ACSBG1: variants seen among roughly 807,000 people sequenced by gnomAD.
ACSBG1 encodes acyl-CoA synthetase bubblegum family member 1.
In ACSBG1, 39 loss-of-function variants were observed where a neutral mutation model predicts 80.2. The ratio of observed to expected loss-of-function variants is 0.49; its 90% CI spans 0.38 to 0.64. ACSBG1 has a LOEUF of 0.64. Among genes scored for constraint, ACSBG1 ranks in the 30% least tolerant of loss-of-function variants. ACSBG1 has a pLI of 0.00. For missense variants in ACSBG1, 828 were observed against 966.4 expected (o/e 0.86, Z 1.90); for synonymous variants, 392 against 379.5 (o/e 1.03, Z -0.38).
intron 3 of ACSBG1, 49 bp downstream of exon 3, chr15:78,194,457 G>A (rs2075091660): frequency 6.4e-7 from 1 of 1,572,842 alleles, no homozygotes; most frequent in Admixed American, 1.7e-5. Context: ...CCAGAGCTGG[G>A]AGGCACATCT....
chr15:78,211,460 G>A (rs1213858309), intron 1 of ACSBG1, among the ~76,000 whole-genome samples: 1 of 152,260 alleles, frequency 6.6e-6, no homozygotes, highest in African/African-American at 2.4e-5. Context: ...AGGAAGAAGA[G>A]CTTACAAGGT....
chr15:78,208,083 G>C lies in ACSBG1; in HGVS notation c.151C>G (p.Pro51Ala). Reference sequence around the variant, plus strand: ...TGGTTCAGGGACTCTTTGGAGAGTGGCTGCCTGTCAGTCAGTGAGCTGGGG... The same window carrying C: ...TGGTTCAGGGACTCTTTGGAGAGTGCCTGCCTGTCAGTCAGTGAGCTGGGG... ...LKTSSLTDRQ[P>A]LSKESLNHAL... Residue 51 changes from proline to alanine, a missense_variant, in exon 2 of 14, where the codon CCA becomes GCA. Pro to Ala is a conservative substitution (Grantham distance 27, BLOSUM62 -1). This residue lies in a region of ACSBG1 where 356 missense variants were observed against 363.5 expected (regional missense o/e 0.98). Transcript: ENST00000258873. 6.2e-7 allele frequency: 1 copy of C among 1,613,862 alleles called. No individual in the cohort carries two copies.
intron 1 of ACSBG1, among the ~76,000 whole-genome samples, chr15:78,231,056 T>C (rs2075442614): frequency 6.6e-6 from 1 of 152,188 alleles, no homozygotes; most frequent in Non-Finnish European, 1.5e-5. Context: ...CGGGCTCAAT[T>C]GATTTTCCCA....
intron 5 of ACSBG1, among the ~76,000 whole-genome samples, chr15:78,183,594 G>C (rs1051539333): frequency 6.6e-6 from 1 of 152,134 alleles, no homozygotes; most frequent in Non-Finnish European, 1.5e-5. Flanking sequence ...AAACTCGAAG[G>C]TTAAACCAAA....
In ACSBG1 at chr15:78,171,456, C is replaced by T. The variant is rs201874784; in HGVS notation, c.2163G>A (p.Glu721=). 15 of 1,613,808 alleles carry T rather than the reference C, an allele frequency of 9.3e-6. No individual in the cohort carries two copies. The East Asian group carries it at 3.3e-4, about 36-fold the overall frequency. Residue 721 remains glutamate, a synonymous_variant, in exon 14 of 14, where the codon GAG becomes GAA. Coordinates refer to ENST00000258873, the MANE Select transcript of ACSBG1 (RefSeq NM_015162.5). Reference sequence around the variant, plus strand: ...GCATAGGCCCTGATTACATTTTTTGCTCTTGGTAAAAGGAGTCAATGATAC... The same window carrying T: ...GCATAGGCCCTGATTACATTTTTTGTTCTTGGTAAAAGGAGTCAATGATAC... ...YKGIIDSFYQ[E]QKM is the part of the protein sequence containing the mutation.
intron 8 of ACSBG1, 26 bp downstream of exon 8, chr15:78,181,943 C>G (rs529815193): frequency 1.4e-4 from 226 of 1,604,584 alleles, no homozygotes; most frequent in Non-Finnish European, 1.9e-4. Flanking sequence ...CGGGCTCAGA[C>G]GGACACACGG....
rs1023818571 is a variant in ACSBG1, at chr15:78,171,187, G to A, written c.*257C>T. On this transcript the variant is annotated 3_prime_UTR_variant, in exon 14 of 14. Coordinates refer to ENST00000258873, the MANE Select transcript of ACSBG1 (RefSeq NM_015162.5). ...TATCAGCCCTTTCGTTCTGGAAGGA[G>A]AGCTGATCTCATTTGTCACCTGAAC... 6.0e-6 allele frequency: 2 copies of A among 333,582 alleles called. No homozygotes were observed. The highest frequency in any genetic ancestry group is 8.8e-5 in the Admixed American group (2 of 22,664). The allele number at this position is 333,582 out of a possible 1,614,324, so 20.7% of individuals were successfully genotyped here. A position where few individuals can be genotyped will look rare whatever the true frequency, so the allele number is the denominator to read the frequency against.
chr15:78,197,605 A>G lies in ACSBG1; in HGVS notation c.233-2879T>C, dbSNP rs527964588. Among the ~76,000 whole-genome samples the G allele has an allele frequency of 2.1e-3, 311 of 151,572 alleles. 2 individuals carry two copies. The highest frequency in any genetic ancestry group is 6.9e-3 in the African/African-American group (285 of 41,304). On this transcript the variant is annotated intron_variant, in intron 2 of 13. Coordinates refer to ENST00000258873, the MANE Select transcript of ACSBG1 (RefSeq NM_015162.5). ...GTGGTGGTGCACATCTGTAATCCCA[A>G]CTACTTGGGAAGCTGAGGCATGAGA...
At chr15:78,213,902 C>T (rs2075287317) in intron 1 of ACSBG1, 1 of 152,278 alleles carries the variant, frequency 6.6e-6, no homozygotes, top group Admixed American at 6.5e-5. Flanking sequence ...TCGCATTTTC[C>T]AAAAGAGGTG....
intron 1 of ACSBG1, among the ~76,000 whole-genome samples, chr15:78,227,604 A>G (rs2075414947): frequency 6.6e-6 from 1 of 152,224 alleles, no homozygotes; most frequent in Non-Finnish European, 1.5e-5. Flanking sequence ...GCACACACCT[A>G]TCTTCTGATC....
At chr15:78,213,874 T>G (rs1240808023) in intron 1 of ACSBG1, 1 of 152,280 alleles carries the variant, frequency 6.6e-6, no homozygotes, top group Non-Finnish European at 1.5e-5. Context: ...GGCCCTGCAA[T>G]GTAGGTTTTA....
At chr15:78,232,071 T>C (rs1029542492) in intron 1 of ACSBG1, among the ~76,000 whole-genome samples, 20 of 152,218 alleles carry the variant, frequency 1.3e-4, no homozygotes, top group Admixed American at 1.1e-3. Context: ...ACCCAAGGCA[T>C]GTGACCTCCA....
At chr15:78,182,640 C>A (rs751337428) in intron 6 of ACSBG1, 25 bp from the exon 7 acceptor site, 5 of 1,613,582 alleles carry the variant, frequency 3.1e-6, no homozygotes, top group African/African-American at 1.3e-5. Context: ...AGGGAGCAGG[C>A]AGGCTAGGTC....
At position 78,193,978 on chromosome 15, in the gene ACSBG1, T is replaced by G; in HGVS notation, c.496A>C (p.Asn166His). 1.2e-6 allele frequency: 2 copies of G among 1,613,928 alleles called. No individual in the cohort carries two copies. The highest frequency in any genetic ancestry group is 1.1e-5 in the South Asian group (1 of 91,080). ...QAHSVAILGF[N>H]SPEWFFSAVG... The stretch of plus-strand genomic sequence containing the variant: ...GCCGAGAAGAACCACTCCGGGGAGT[T>G]GAAGCCGAGGATGGCCACACTGTGG... The change falls in exon 4 of 14, where the codon AAC becomes CAC. Residue 166 changes from asparagine (N) to histidine (H), a missense_variant. Asn to His is a moderately conservative substitution (Grantham distance 68, BLOSUM62 1). Transcript: ENST00000258873.
chr15:78,187,290 C>T (rs1238091400), intron 5 of ACSBG1, among the ~76,000 whole-genome samples: 11 of 152,104 alleles, frequency 7.2e-5, no homozygotes, highest in African/African-American at 1.7e-4. Flanking sequence ...TTCCAATCAA[C>T]AGAAAAAGAG....
rs149534543 is a variant in ACSBG1 at position 78,171,257 on chromosome 15, C to G, written c.*187G>C. 3 of 504,886 alleles carry G rather than the reference C, an allele frequency of 5.9e-6. No homozygotes were observed. The East Asian group carries it at 9.6e-5, about 16-fold the overall frequency. The allele number at this position is 504,886 out of a possible 1,614,324, so 31.3% of individuals were successfully genotyped here. A position where few individuals can be genotyped will look rare whatever the true frequency, so the allele number is the denominator to read the frequency against. On this transcript the variant is annotated 3_prime_UTR_variant, in exon 14 of 14. Coordinates refer to ENST00000258873, the MANE Select transcript of ACSBG1 (RefSeq NM_015162.5). ...GAATTAAAACTACCCACACGTGAAG[C>G]TTCTTGGAATTGTCAGCTATTGTTG...
At chr15:78,207,941 G>A (rs1379367043) in intron 2 of ACSBG1, 61 bp downstream of exon 2, 8 of 452,104 alleles carry the variant, frequency 1.8e-5, no homozygotes, top group South Asian at 3.5e-5. Context: ...CACCCCTCCA[G>A]CACACCCAGC....
intron 1 of ACSBG1, among the ~76,000 whole-genome samples, chr15:78,229,389 G>C (rs1339893159): frequency 6.6e-6 from 1 of 152,212 alleles, no homozygotes; most frequent in East Asian, 1.9e-4. Flanking sequence ...AGCCCAGATA[G>C]TCCATGTTTA....
chr15:78,174,256 G>A (rs1435987277), intron 12 of ACSBG1, 129 bp downstream of exon 12: 23 of 1,313,592 alleles, frequency 1.8e-5, no homozygotes, highest in Non-Finnish European at 2.3e-5. Context: ...CAGGCAGCAC[G>A]GACTTGAGTC....
Sources: gnomAD v4.1 joint callset for allele counts (sites outside exome capture counted in the v4.1 genomes callset) on GRCh38, gnomAD v4.1.1 for gene constraint, gnomAD v4.1.1 regional missense constraint, MANE v1.5 for transcripts, NCBI Gene and HGNC (gene_info 2026-07-23, HGNC 2026-07-21) for gene names.